SCHIP1: variants seen among roughly 807,000 people sequenced by gnomAD.
SCHIP1 encodes the protein schwannomin interacting protein 1.
A neutral mutation model predicts 29.7 loss-of-function variants in SCHIP1; 8 were observed. That is an observed-to-expected ratio of 0.27 (90% CI 0.16 to 0.49). The LOEUF is 0.49. Ranked by LOEUF, SCHIP1 falls within the 20% of genes least tolerant of loss-of-function variation. SCHIP1 has a pLI of 0.99. For missense variants in SCHIP1, 193 were observed against 294.6 expected (o/e 0.66, Z 2.52); for synonymous variants, 76 against 94.9 (o/e 0.80, Z 1.16).
At chr3:159,804,192 T>C in the SCHIP1 span, among the ~76,000 whole-genome samples, 1 of 152,248 alleles carries the variant, frequency 6.6e-6, no homozygotes, top group East Asian at 1.9e-4. Flanking sequence ...CAATGAACTA[T>C]AGGAAATCCC....
chr3:159,401,770 G>A, the SCHIP1 span, among the ~76,000 whole-genome samples: 1 of 152,094 alleles, frequency 6.6e-6, no homozygotes, highest in Non-Finnish European at 1.5e-5. Flanking sequence ...TTCTTCTAGG[G>A]TTTTTATGGT....
At chr3:159,555,283 G>A in the SCHIP1 span, among the ~76,000 whole-genome samples, 1 of 152,144 alleles carries the variant, frequency 6.6e-6, no homozygotes, top group Non-Finnish European at 1.5e-5. Flanking sequence ...TGTGCTTGGA[G>A]AGCCTGAAAC....
chr3:159,657,060 T>C, the SCHIP1 span, among the ~76,000 whole-genome samples: 2 of 152,204 alleles, frequency 1.3e-5, no homozygotes, highest in South Asian at 2.1e-4. Context: ...ACCAAATAAA[T>C]GGCTAGAAGC....
chr3:159,754,001 T>C, the SCHIP1 span, among the ~76,000 whole-genome samples: 1 of 152,336 alleles, frequency 6.6e-6, no homozygotes, highest in African/African-American at 2.4e-5. Flanking sequence ...GGGTACTTAT[T>C]GCAAACTGTA....
the SCHIP1 span, among the ~76,000 whole-genome samples, chr3:159,440,758 A>T: frequency 6.6e-6 from 1 of 152,166 alleles, no homozygotes; most frequent in Admixed American, 6.6e-5. Flanking sequence ...ACACACTGGT[A>T]AACCAACCTA....
the SCHIP1 span, among the ~76,000 whole-genome samples, chr3:159,581,910 C>T: frequency 9.2e-5 from 14 of 152,172 alleles, no homozygotes; most frequent in East Asian, 2.7e-3. Flanking sequence ...TTTTATGAAG[C>T]TGTGTCTATA....
intron 6 of SCHIP1, 193 bp downstream of exon 7, chr3:159,892,383 G>A (rs916773440): frequency 4.7e-6 from 3 of 631,668 alleles, no homozygotes; most frequent in Admixed American, 5.7e-5. Context: ...ATGCTTTTTA[G>A]CAACCATCCC....
chr3:159,361,106 C>A, the SCHIP1 span, among the ~76,000 whole-genome samples: 1 of 152,114 alleles, frequency 6.6e-6, no homozygotes, highest in Admixed American at 6.6e-5. Flanking sequence ...GACTTTACAG[C>A]CCAGCTTGTG....
the SCHIP1 span, among the ~76,000 whole-genome samples, chr3:159,785,742 C>G: frequency 6.6e-6 from 1 of 152,110 alleles, no homozygotes; most frequent in African/African-American, 2.4e-5. Context: ...TCTAATCAAT[C>G]TGAATAATAA....
the SCHIP1 span, among the ~76,000 whole-genome samples, chr3:159,575,914 G>A: frequency 2.0e-5 from 3 of 151,910 alleles, no homozygotes; most frequent in Admixed American, 6.6e-5. Flanking sequence ...TTTGCAATTA[G>A]TATTTGCTTA....
chr3:159,614,056 T>C, the SCHIP1 span, among the ~76,000 whole-genome samples: 2 of 152,188 alleles, frequency 1.3e-5, no homozygotes, highest in African/African-American at 4.8e-5. Flanking sequence ...ATCTCCACTT[T>C]ACAGATGAGG....
the SCHIP1 span, among the ~76,000 whole-genome samples, chr3:159,767,763 C>G: frequency 2.6e-5 from 4 of 152,156 alleles, no homozygotes; most frequent in Admixed American, 6.5e-5. Context: ...TGTCCCCCAC[C>G]ACCCTTCCTA....
the SCHIP1 span, among the ~76,000 whole-genome samples, chr3:159,740,029 C>A: frequency 6.6e-6 from 1 of 152,244 alleles, no homozygotes; most frequent in East Asian, 1.9e-4. Flanking sequence ...GCTTCCAAGA[C>A]TTCAGAAAAT....
chr3:159,395,291 T>C, the SCHIP1 span, among the ~76,000 whole-genome samples: 18 of 152,174 alleles, frequency 1.2e-4, no homozygotes, highest in Non-Finnish European at 2.2e-4. Context: ...CATTAATTTT[T>C]TGAAGGGTTT....
chr3:159,629,078 G>A, the SCHIP1 span, among the ~76,000 whole-genome samples: 605 of 151,862 alleles, frequency 4.0e-3, 6 homozygotes, highest in African/African-American at 0.014. Flanking sequence ...CTGAAAATAC[G>A]GTAATGATAA....
chr3:159,575,038 C>T, the SCHIP1 span, among the ~76,000 whole-genome samples: 1 of 152,214 alleles, frequency 6.6e-6, no homozygotes, highest in African/African-American at 2.4e-5. Flanking sequence ...AAAAGGATAT[C>T]CCCCAACCCC....
the SCHIP1 span, among the ~76,000 whole-genome samples, chr3:159,542,130 G>C: frequency 6.6e-6 from 1 of 152,042 alleles, no homozygotes; most frequent in Non-Finnish European, 1.5e-5. Context: ...TTAGTAAATT[G>C]AAGCTCCAAA....
chr3:159,854,076 G>A (rs1402018493), intron 1 of SCHIP1, among the ~76,000 whole-genome samples: 2 of 152,276 alleles, frequency 1.3e-5, no homozygotes, highest in African/African-American at 2.4e-5. Context: ...GTCCACAGAA[G>A]CCTAAAACAC....
the SCHIP1 span, among the ~76,000 whole-genome samples, chr3:159,661,058 A>G: frequency 6.6e-6 from 1 of 152,192 alleles, no homozygotes; most frequent in Non-Finnish European, 1.5e-5. Flanking sequence ...CCAGTGGGTG[A>G]GAGAAACAAG....
Sources: gnomAD v4.1 joint callset for allele counts (sites outside exome capture counted in the v4.1 genomes callset) on GRCh38, gnomAD v4.1.1 for gene constraint, MANE v1.5 for transcripts, NCBI Gene and HGNC (gene_info 2026-07-23, HGNC 2026-07-21) for gene names.